TRIM61: variants seen among roughly 807,000 people sequenced by gnomAD.
TRIM61 encodes tripartite motif containing 61.
In TRIM61, 1 loss-of-function variant was observed where a neutral mutation model predicts 14.2. That is an observed-to-expected ratio of 0.07 (90% confidence interval 0.03 to 0.33). The LOEUF is 0.33. TRIM61 is among the 10% of genes least tolerant of loss of function. TRIM61 has a pLI of 0.99. For missense variants in TRIM61, 19 were observed against 202.2 expected, an observed-to-expected ratio of 0.09 and a Z score of 5.49; for synonymous variants, 8 against 71.6, an observed-to-expected ratio of 0.11 and a Z score of 4.49.
rs1732010854 is a variant in TRIM61, at chr4:164,957,061, T to A, written c.526-1965A>T. 16 of 1,522,908 alleles carry A rather than the reference T, an allele frequency of 1.1e-5. No homozygotes were observed. In the South Asian group the frequency reaches 1.5e-4, roughly 15 times the overall value. 94.3% of individuals were successfully genotyped at this position (1,522,908 alleles called of 1,614,324 possible). A position where few individuals can be genotyped will look rare whatever the true frequency, so the allele number is the denominator to read the frequency against. On this transcript the variant is annotated intron_variant, in intron 3 of 4. Coordinates refer to ENST00000329314, the MANE Select transcript of TRIM61 (RefSeq NM_001012414.3). ...CGGTGCGGCGGGGCAGCTGTCCTCT[T>A]CTCCCCGGACCCAGCGCCTGGAGAG...
At chr4:164,956,917 A>C in intron 3 of TRIM61, 1 of 1,108,330 alleles carries the variant, frequency 9.0e-7, no homozygotes, top group Non-Finnish European at 1.3e-6. Context: ...GCGGCAGAGC[A>C]GTGATTGGGT....
At chr4:164,976,064 C>T (rs1732474419) in intron 2 of TRIM61, among the ~76,000 whole-genome samples, 2 of 152,168 alleles carry the variant, frequency 1.3e-5, no homozygotes, top group African/African-American at 2.4e-5. Context: ...CTTACGTGCA[C>T]GTCCAGTCAT....
At chr4:164,957,664 T>C (rs1732043250) in intron 3 of TRIM61, 1 of 822,960 alleles carries the variant, frequency 1.2e-6, no homozygotes, top group Non-Finnish European at 1.9e-6. Context: ...AACTCTGATT[T>C]TGAGCACTTT....
At chr4:164,964,077 C>T (rs1032524344) in intron 3 of TRIM61, among the ~76,000 whole-genome samples, 1 of 151,688 alleles carries the variant, frequency 6.6e-6, no homozygotes, top group African/African-American at 2.4e-5. Context: ...TGGCCGGGCG[C>T]GGTGGCTCAT....
chr4:164,963,735 ACT>A (rs1282240822), intron 3 of TRIM61, among the ~76,000 whole-genome samples: 9 of 110,064 alleles, frequency 8.2e-5, no homozygotes, highest in Non-Finnish European at 1.3e-4. Context: ...CAAGAGTGAA[ACT>A]CTGTTTCAAA....
At chr4:164,970,507 A>C (rs965297584) in intron 2 of TRIM61, among the ~76,000 whole-genome samples, 168 bp from the exon 3 acceptor site, 1 of 152,166 alleles carries the variant, frequency 6.6e-6, no homozygotes, top group African/African-American at 2.4e-5. Context: ...AAAAAAAAAA[A>C]AACTAAAAAA....
At chr4:164,963,744 CAAA>C (rs70952672) in intron 3 of TRIM61, among the ~76,000 whole-genome samples, 2,483 of 117,086 alleles carry the variant, frequency 0.021, 70 homozygotes, top group African/African-American at 0.072. Context: ...AACTCTGTTT[CAAA>C]AAAAAAAAAA....
chr4:164,960,554 CA>C (rs70952670), intron 3 of TRIM61, among the ~76,000 whole-genome samples: 62,658 of 127,656 alleles, frequency 0.49, 13,848 homozygotes, highest in East Asian at 0.71. Flanking sequence ...GACTCTGTCT[CA>C]AAAAAAAAAA....
chr4:164,976,270 CT>C (rs1350782718), intron 2 of TRIM61, among the ~76,000 whole-genome samples: 4 of 152,244 alleles, frequency 2.6e-5, no homozygotes, highest in African/African-American at 9.6e-5. Context: ...CGCCGGTCCC[CT>C]GGGCCCACTG....
At chr4:164,957,633 G>A in intron 3 of TRIM61, 1 of 974,244 alleles carries the variant, frequency 1.0e-6, no homozygotes, top group Non-Finnish European at 1.5e-6. Context: ...GAAGATAGTC[G>A]AATATTAGAG....
intron 2 of TRIM61, among the ~76,000 whole-genome samples, chr4:164,975,300 G>A (rs1732458063): frequency 6.6e-6 from 1 of 150,988 alleles, no homozygotes; most frequent in Admixed American, 6.6e-5. Context: ...TGCAAAAAAT[G>A]GTAAAATCAG....
intron 3 of TRIM61, among the ~76,000 whole-genome samples, chr4:164,959,453 T>C (rs1460009402): frequency 2.0e-5 from 3 of 152,000 alleles, no homozygotes; most frequent in Non-Finnish European, 4.4e-5. Context: ...GGTAGTTCCC[T>C]GAAAAAGGGG....
chr4:164,955,490 G>A (rs1462920456), intron 3 of TRIM61, among the ~76,000 whole-genome samples: 1 of 149,712 alleles, frequency 6.7e-6, no homozygotes, highest in Non-Finnish European at 1.5e-5. Context: ...GATTGCTTGA[G>A]GTCAAGAGTT....
At chr4:164,962,284 G>A (rs1386746840) in intron 3 of TRIM61, among the ~76,000 whole-genome samples, 4 of 148,750 alleles carry the variant, frequency 2.7e-5, no homozygotes, top group South Asian at 2.1e-4. Context: ...GCAGTGGTGC[G>A]ATCTTGGCTC....
chr4:164,972,560 C>G (rs1165622010), intron 2 of TRIM61, among the ~76,000 whole-genome samples: 4 of 152,202 alleles, frequency 2.6e-5, no homozygotes, highest in Non-Finnish European at 5.9e-5. Context: ...ACAATCTTGG[C>G]TCACTGCAGC....
intron 3 of TRIM61, among the ~76,000 whole-genome samples, chr4:164,956,031 C>T (rs1268870579): frequency 6.6e-6 from 1 of 152,150 alleles, no homozygotes; most frequent in African/African-American, 2.4e-5. Flanking sequence ...GCATTGATAA[C>T]GCTGAAACAT....
At chr4:164,960,316 G>A (rs1030813840) in intron 3 of TRIM61, among the ~76,000 whole-genome samples, 2 of 151,958 alleles carry the variant, frequency 1.3e-5, no homozygotes, top group African/African-American at 2.4e-5. Flanking sequence ...AGGCCGAGGC[G>A]GGTGGATCAC....
chr4:164,973,135 T>C (rs1199778931), intron 2 of TRIM61, among the ~76,000 whole-genome samples: 1 of 150,520 alleles, frequency 6.6e-6, no homozygotes, highest in African/African-American at 2.5e-5. Flanking sequence ...TCAAGGATAA[T>C]TTATTATATG....
intron 2 of TRIM61, among the ~76,000 whole-genome samples, chr4:164,973,027 T>C (rs919511876): frequency 1.1e-4 from 17 of 152,320 alleles, no homozygotes; most frequent in Middle Eastern, 3.4e-3. Flanking sequence ...CTTTCCCTCT[T>C]CTGCACAAAC....
Sources: allele counts gnomAD v4.1 joint callset (sites outside exome capture counted in the v4.1 genomes callset), GRCh38; gene constraint gnomAD v4.1.1; transcripts MANE v1.5; gene names NCBI Gene and HGNC (gene_info 2026-07-23, HGNC 2026-07-21).